AGMO: variants seen among roughly 807,000 people sequenced by gnomAD.
AGMO encodes glyceryl-ether monooxygenase.
AGMO carries 75 observed loss-of-function variants against 60.2 expected under a neutral mutation model. The ratio of observed to expected loss-of-function variants is 1.25; its 90% CI spans 1.03 to 1.51. The LOEUF is 1.51. Ranked by LOEUF, AGMO falls within the 40% of genes most tolerant of loss-of-function variation. The pLI, the probability that AGMO is intolerant of heterozygous loss-of-function variation, is 0.00. For missense variants in AGMO, 763 were observed against 525.5 expected (o/e 1.45, Z -4.42); for synonymous variants, 261 against 177.1 (o/e 1.47, Z -3.76).
chr7:15,263,086 A>G (rs1783323754), intron 12 of AGMO, among the ~76,000 whole-genome samples: 1 of 152,164 alleles, frequency 6.6e-6, no homozygotes, highest in South Asian at 2.1e-4. Context: ...GTTGGGACTT[A>G]ATTAAACTAA....
chr7:15,481,484 T>A (rs928133100), intron 3 of AGMO, among the ~76,000 whole-genome samples: 4 of 151,974 alleles, frequency 2.6e-5, no homozygotes, highest in Non-Finnish European at 4.4e-5. Flanking sequence ...GATAAAAAGA[T>A]CAGTCCACAA....
At chr7:15,214,948 T>A (rs1222268008) in intron 12 of AGMO, among the ~76,000 whole-genome samples, 5 of 152,094 alleles carry the variant, frequency 3.3e-5, no homozygotes, top group Non-Finnish European at 7.4e-5. Context: ...TATTTCTAAG[T>A]GCATCTTTGA....
intron 2 of AGMO, among the ~76,000 whole-genome samples, chr7:15,551,784 C>T (rs1583680847): frequency 1.3e-5 from 2 of 151,680 alleles, no homozygotes; most frequent in East Asian, 3.9e-4. Flanking sequence ...CATAAAGCTA[C>T]CAATGACTTT....
At chr7:15,396,654 C>G (rs1784401558) in intron 5 of AGMO, 1 of 151,044 alleles carries the variant, frequency 6.6e-6, no homozygotes, top group Non-Finnish European at 1.5e-5. Context: ...GATTGGTCCA[C>G]TTTACAGAGA....
rs1020056660 is a variant in AGMO at position 15,241,333 on chromosome 7, G to A, written c.1264-39974C>T. ...AAATTAGCCGGGCGTGGTGGTGGGC[G>A]CCTGTAATCCCAGCTACTCGGGAGG... On this transcript the variant is annotated intron_variant, in intron 12 of 12. Transcript: ENST00000342526. Among the ~76,000 whole-genome samples, 31 of 151,088 alleles carry A rather than the reference G, an allele frequency of 2.1e-4. 1 individual carries two copies. The highest frequency in any genetic ancestry group is 1.1e-3 in the Admixed American group (16 of 15,160).
At chr7:15,268,647 G>T (rs776119534) in intron 12 of AGMO, among the ~76,000 whole-genome samples, 14 of 151,942 alleles carry the variant, frequency 9.2e-5, no homozygotes, top group Non-Finnish European at 1.9e-4. Flanking sequence ...AAGATAAATT[G>T]AAGTGGTAAA....
chr7:15,496,277 C>T (rs567833150), intron 3 of AGMO, among the ~76,000 whole-genome samples: 6 of 152,106 alleles, frequency 3.9e-5, no homozygotes, highest in African/African-American at 1.4e-4. Context: ...AGCTGCAGAA[C>T]CAGTTTTGCC....
chr7:15,260,514 A>T (rs1783237154), intron 12 of AGMO, among the ~76,000 whole-genome samples: 1 of 152,126 alleles, frequency 6.6e-6, no homozygotes, highest in South Asian at 2.1e-4. Context: ...CCAAATTTAT[A>T]AAACCATTAC....
At chr7:15,195,765 G>A (rs1170568125), downstream of AGMO, among the ~76,000 whole-genome samples, 1 of 152,114 alleles carries the variant, frequency 6.6e-6, no homozygotes, top group Non-Finnish European at 1.5e-5. Context: ...TCTTTAAAAG[G>A]AAAACCTTAC....
intron 12 of AGMO, among the ~76,000 whole-genome samples, chr7:15,314,878 A>T (rs1463362056): frequency 1.3e-5 from 2 of 152,200 alleles, no homozygotes; most frequent in Admixed American, 6.5e-5. Context: ...TAGAAAAAAA[A>T]GATGTGACAT....
chr7:15,420,938 G>A (rs1243238842), intron 4 of AGMO, among the ~76,000 whole-genome samples: 1 of 152,116 alleles, frequency 6.6e-6, no homozygotes, highest in East Asian at 1.9e-4. Flanking sequence ...CTATAATGGA[G>A]AAAAACAACC....
intron 12 of AGMO, among the ~76,000 whole-genome samples, chr7:15,278,857 C>T (rs1037424037): frequency 6.6e-6 from 1 of 152,088 alleles, no homozygotes; most frequent in Non-Finnish European, 1.5e-5. Context: ...CTATAGTACT[C>T]ACATGGGGAC....
At chr7:15,422,978 G>A (rs1780965600) in intron 4 of AGMO, among the ~76,000 whole-genome samples, 1 of 152,158 alleles carries the variant, frequency 6.6e-6, no homozygotes, top group Non-Finnish European at 1.5e-5. Flanking sequence ...GAAAATGTAG[G>A]AGGTGAGAGA....
chr7:15,363,265 C>G (rs1782834579), intron 12 of AGMO, among the ~76,000 whole-genome samples: 1 of 152,190 alleles, frequency 6.6e-6, no homozygotes, highest in Admixed American at 6.5e-5. Context: ...TGTCTCCAAA[C>G]TTGACTTGGG....
At chr7:15,429,522 G>A (rs1583542844) in intron 4 of AGMO, among the ~76,000 whole-genome samples, 1 of 151,956 alleles carries the variant, frequency 6.6e-6, no homozygotes, top group African/African-American at 2.4e-5. Flanking sequence ...CCTTGATTTT[G>A]ACTTGACTTG....
the AGMO span, among the ~76,000 whole-genome samples, chr7:15,141,321 C>T: frequency 6.6e-6 from 1 of 152,080 alleles, no homozygotes; most frequent in South Asian, 2.1e-4. Flanking sequence ...CGGTGGCTCA[C>T]GTCTGTAATC....
intron 3 of AGMO, among the ~76,000 whole-genome samples, chr7:15,443,021 C>A (rs1459056693): frequency 1.3e-5 from 2 of 152,170 alleles, no homozygotes; most frequent in African/African-American, 4.8e-5. Context: ...CCAGGGAAAA[C>A]CAACTTCCCA....
intron 3 of AGMO, among the ~76,000 whole-genome samples, chr7:15,498,305 A>G (rs1280894967): frequency 6.6e-6 from 1 of 151,994 alleles, no homozygotes; most frequent in Non-Finnish European, 1.5e-5. Flanking sequence ...GTATACTATC[A>G]AAGAAAGGTA....
chr7:15,424,839 T>C (rs1283294893), intron 4 of AGMO, among the ~76,000 whole-genome samples: 1 of 152,202 alleles, frequency 6.6e-6, no homozygotes, highest in African/African-American at 2.4e-5. Flanking sequence ...TGAGAATTTA[T>C]CCCCAGTGCA....
Sources: allele counts gnomAD v4.1 joint callset (sites outside exome capture counted in the v4.1 genomes callset), GRCh38; gene constraint gnomAD v4.1.1; transcripts MANE v1.5; gene names NCBI Gene and HGNC (gene_info 2026-07-23, HGNC 2026-07-21).